Variants in HTR5A observed in about 807,000 individuals in gnomAD.
HTR5A encodes the protein 5-hydroxytryptamine receptor 5A.
HTR5A carries 21 observed loss-of-function variants against 24.3 expected under a neutral mutation model. That is an observed-to-expected ratio of 0.86 (90% CI 0.61 to 1.24). The LOEUF is 1.24. Among genes scored for constraint, HTR5A ranks in the 50% most tolerant of loss-of-function variants. The pLI is 0.00. For synonymous variants in HTR5A, 260 were observed against 213.7 expected, an observed-to-expected ratio of 1.22 and a Z score of -1.89; for missense variants, 497 against 489.5, an observed-to-expected ratio of 1.02 and a Z score of -0.15.
chr7:155,071,816 T>G (rs534867548), intron 1 of HTR5A, among the ~76,000 whole-genome samples, 176 bp downstream of exon 1: 29 of 152,284 alleles, frequency 1.9e-4, no homozygotes, highest in Non-Finnish European at 3.2e-4. Flanking sequence ...CTCTGACATG[T>G]TCCCTCTCAC....
chr7:155,070,455 T>A lies in HTR5A; in HGVS notation c.-445T>A. The A allele has an allele frequency of 2.3e-6, 1 of 427,278 alleles. No homozygotes were observed. The highest frequency in any genetic ancestry group is 1.7e-5 in the South Asian group (1 of 60,522). 26.5% of individuals were successfully genotyped at this position (427,278 alleles called of 1,614,324 possible). ...GGAGTTAAGGCTGCAGCCGGCTGCC[T>A]AGAGAGAAGGGTGGGCAGGGAGACA... On this transcript the variant is annotated 5_prime_UTR_variant, in exon 1 of 2. Coordinates refer to ENST00000287907, the MANE Select transcript of HTR5A (RefSeq NM_024012.4).
In HTR5A at chr7:155,070,376, G is replaced by T. The variant is rs1266013126; in HGVS notation, c.-524G>T. 4.4e-6 allele frequency: 2 copies of T among 455,628 alleles called. No individual in the cohort carries two copies. Among genetic ancestry groups the T allele is most frequent in the South Asian group, 3.1e-5 (2 of 64,538 alleles). 28.2% of individuals were successfully genotyped at this position (455,628 alleles called of 1,614,324 possible). A position where few individuals can be genotyped will look rare whatever the true frequency, so the allele number is the denominator to read the frequency against. Reference sequence around the variant, plus strand: ...CCGAAGGGGTGGCGGGGGCAACAGGGACAGAAGGCAGGTCCCAGAAAGCAG... The same window carrying T: ...CCGAAGGGGTGGCGGGGGCAACAGGTACAGAAGGCAGGTCCCAGAAAGCAG... On this transcript the variant is annotated 5_prime_UTR_variant, in exon 1 of 2. Coordinates refer to ENST00000287907, the MANE Select transcript of HTR5A (RefSeq NM_024012.4).
At position 155,086,831 on chromosome 7, in the gene HTR5A, T is replaced by G. The variant is rs1795482648; in HGVS notation, c.*2344T>G. On this transcript the variant is annotated 3_prime_UTR_variant, in exon 2 of 2. Transcript: ENST00000287907. ...CATTTATGCTTGACTGCTAATATTTTATCAGGTTAGAAATTTATATGAATC... is the reference window on the plus strand; with the variant it reads ...CATTTATGCTTGACTGCTAATATTTGATCAGGTTAGAAATTTATATGAATC... 6.6e-6 allele frequency among the ~76,000 whole-genome samples: 1 copy of G among 152,216 alleles called. No homozygotes were observed. Among genetic ancestry groups the G allele is most frequent in the East Asian group, 1.9e-4 (1 of 5,202 alleles).
In HTR5A at chr7:155,071,491, C is replaced by A; in HGVS notation, c.592C>A (p.Pro198Thr). The A allele has an allele frequency of 6.2e-7, 1 of 1,614,158 alleles. No individual in the cohort carries two copies. The highest frequency in any genetic ancestry group is 8.5e-7 in the Non-Finnish European group (1 of 1,180,040). ...CGAGGAGTGCCAGGTAAGCCGCGAGCCTTCCTACGCCGTGTTCTCCACCGT... is the reference window on the plus strand; with the variant it reads ...CGAGGAGTGCCAGGTAAGCCGCGAGACTTCCTACGCCGTGTTCTCCACCGT... ...GSEECQVSRE[P>T]SYAVFSTVGA... The change falls in exon 1 of 2, where the codon CCT (proline) becomes ACT (threonine). Residue 198 changes from proline (P) to threonine (T), a missense_variant. By Grantham distance (38) the Pro-to-Thr change is conservative (BLOSUM62 -1). Transcript: ENST00000287907.
chr7:155,079,733 G>A (rs2698511), intron 1 of HTR5A, among the ~76,000 whole-genome samples: 146,934 of 152,316 alleles, frequency 0.96, 71,070 homozygotes, highest in East Asian at 1. Context: ...TAAACAAGCC[G>A]TGGCACATGA....
Position 155,070,952 on chromosome 7 carries a change from T to C in HTR5A, c.53T>C (p.Leu18Ser). 1 of 1,609,874 alleles carries C rather than the reference T, an allele frequency of 6.2e-7. No homozygotes were observed. Among genetic ancestry groups the C allele is most frequent in the Non-Finnish European group, 8.5e-7 (1 of 1,179,990 alleles). ...TSFSLSTPSP[L>S]ETNHSLGKDD... The stretch of plus-strand genomic sequence containing the variant: ...TTTTCCCTCTCCACCCCCTCCCCTT[T>C]GGAGACCAACCACAGCCTCGGCAAA... The change falls in exon 1 of 2, where the codon TTG becomes TCG. Residue 18 changes from leucine to serine, a missense_variant. Transcript: ENST00000287907.
chr7:155,071,011 G>T lies in HTR5A; in HGVS notation c.112G>T (p.Val38Phe), dbSNP rs769130279. ...GCGCCCCAGCTCGCCCCTGCTCTCG[G>T]TCTTCGGAGTGCTTATTCTCACCTT... ...DLRPSSPLLS[V>F]FGVLILTLLG... The change falls in exon 1 of 2, where the codon GTC (valine) becomes TTC (phenylalanine). Residue 38 changes from valine (V) to phenylalanine (F), a missense_variant. Val to Phe is a conservative substitution (Grantham distance 50, BLOSUM62 -1). Transcript: ENST00000287907. 5.0e-6 allele frequency: 8 copies of T among 1,611,764 alleles called. No individual in the cohort carries two copies. Among genetic ancestry groups the T allele is most frequent in the Non-Finnish European group, 6.8e-6 (8 of 1,180,040 alleles).
intron 1 of HTR5A, among the ~76,000 whole-genome samples, chr7:155,078,372 G>A (rs928750043): frequency 1.3e-5 from 2 of 152,158 alleles, no homozygotes; most frequent in South Asian, 4.1e-4. Flanking sequence ...TTCAGCTGTT[G>A]GGTATACACA....
intron 1 of HTR5A, among the ~76,000 whole-genome samples, chr7:155,073,635 T>C (rs886217276): frequency 1.3e-5 from 2 of 151,854 alleles, no homozygotes; most frequent in South Asian, 4.1e-4. Flanking sequence ...CCTCCTTTTA[T>C]GAATCTTCCT....
intron 1 of HTR5A, among the ~76,000 whole-genome samples, chr7:155,083,400 C>T (rs1795438737): frequency 6.6e-6 from 1 of 152,200 alleles, no homozygotes; most frequent in African/African-American, 2.4e-5. Flanking sequence ...TCAGTAGACA[C>T]TCATTATATC....
chr7:155,072,986 C>T (rs1229859231), intron 1 of HTR5A, among the ~76,000 whole-genome samples: 1 of 152,084 alleles, frequency 6.6e-6, no homozygotes, highest in African/African-American at 2.4e-5. Context: ...TAATACTGCC[C>T]TCCAGGAAAC....
rs1795475556 is a variant in HTR5A at position 155,086,265 on chromosome 7, T to A, written c.*1778T>A. 6.6e-6 allele frequency among the ~76,000 whole-genome samples: 1 copy of A among 152,246 alleles called. No homozygotes were observed. The highest frequency in any genetic ancestry group is 2.4e-5 in the African/African-American group (1 of 41,550). On this transcript the variant is annotated 3_prime_UTR_variant, in exon 2 of 2. Transcript: ENST00000287907. Reference sequence around the variant, plus strand: ...AGAAGAAAAATTCAGACATGAGGAGTCTGGAGAGGTAACACTAGAATCAAG... The same window carrying A: ...AGAAGAAAAATTCAGACATGAGGAGACTGGAGAGGTAACACTAGAATCAAG...
At chr7:155,077,480 T>G (rs1795371334) in intron 1 of HTR5A, among the ~76,000 whole-genome samples, 1 of 150,604 alleles carries the variant, frequency 6.6e-6, no homozygotes, top group Non-Finnish European at 1.5e-5. Context: ...TTTTTTTTTT[T>G]TGAGACAGAG....
intron 1 of HTR5A, chr7:155,077,046 A>C (rs1238708742): frequency 6.6e-6 from 1 of 152,240 alleles, no homozygotes; most frequent in Non-Finnish European, 1.5e-5. Context: ...ACTCTTATGC[A>C]TTCTACTTCA....
intron 1 of HTR5A, among the ~76,000 whole-genome samples, chr7:155,072,445 T>C (rs1462741952): frequency 2.0e-5 from 3 of 152,196 alleles, no homozygotes; most frequent in Non-Finnish European, 4.4e-5. Context: ...ATGAGAGGTA[T>C]TTACTGCATG....
chr7:155,080,058 T>G (rs970600616), intron 1 of HTR5A, among the ~76,000 whole-genome samples: 1 of 152,124 alleles, frequency 6.6e-6, no homozygotes, highest in Non-Finnish European at 1.5e-5. Context: ...GCCAATGCCT[T>G]ATAGAATAGT....
At chr7:155,077,474 T>TG (rs1355352766) in intron 1 of HTR5A, among the ~76,000 whole-genome samples, 2 of 150,420 alleles carry the variant, frequency 1.3e-5, no homozygotes, top group African/African-American at 4.9e-5. Context: ...TTGTTTTTTT[T>TG]TTTTTTTGAG....
In HTR5A at chr7:155,084,146, CTT is replaced by C; in HGVS notation, c.742-6_742-5del. Reference sequence around the variant, plus strand: ...GGCTCCTCATAAAGCTCCTGCTTGTCTTTTACAGGTGAAGGACTCTGCCAAAC... The same window carrying C: ...GGCTCCTCATAAAGCTCCTGCTTGTCTTACAGGTGAAGGACTCTGCCAAAC... On this transcript the variant is annotated splice_region_variant and splice_polypyrimidine_tract_variant and intron_variant, in intron 1 of 1. Transcript: ENST00000287907. The C allele has an allele frequency of 6.3e-7, 1 of 1,582,152 alleles. No homozygotes were observed. Among genetic ancestry groups the C allele is most frequent in the East Asian group, 2.2e-5 (1 of 44,546 alleles).
chr7:155,070,824 C>A lies in HTR5A; in HGVS notation c.-76C>A. 1 of 1,464,460 alleles carries A rather than the reference C, an allele frequency of 6.8e-7. No individual in the cohort carries two copies. Among genetic ancestry groups the A allele is most frequent in the Non-Finnish European group, 9.2e-7 (1 of 1,085,564 alleles). 90.7% of individuals were successfully genotyped at this position (1,464,460 alleles called of 1,614,324 possible). A position where few individuals can be genotyped will look rare whatever the true frequency, so the allele number is the denominator to read the frequency against. On this transcript the variant is annotated 5_prime_UTR_variant, in exon 1 of 2. It adds an upstream start codon to the 5' untranslated region. Coordinates refer to ENST00000287907, the MANE Select transcript of HTR5A (RefSeq NM_024012.4). Reference sequence around the variant, plus strand: ...GAGGTTGCAAACATCCGGATTGGCTCTGGGCACAGTGGCCGCCTTAAGTCC... The same window carrying A: ...GAGGTTGCAAACATCCGGATTGGCTATGGGCACAGTGGCCGCCTTAAGTCC...
Sources: gnomAD v4.1 joint callset for allele counts (sites outside exome capture counted in the v4.1 genomes callset) on GRCh38, gnomAD v4.1.1 for gene constraint, MANE v1.5 for transcripts, NCBI Gene and HGNC (gene_info 2026-07-23, HGNC 2026-07-21) for gene names.